The following VPS13C variants were observed in gnomAD, a reference collection of about 807,000 sequenced individuals.
VPS13C encodes intermembrane lipid transfer protein VPS13C.
A neutral mutation model predicts 456.8 loss-of-function variants in VPS13C; 358 were observed. The observed-to-expected ratio is 0.78, with a 90% CI of 0.72 to 0.86. The LOEUF is 0.86. Ranked by LOEUF, VPS13C falls within the 40% of genes least tolerant of loss-of-function variation. The pLI is 0.00. For missense variants in VPS13C, 4,818 were observed against 4,385.4 expected (o/e 1.10, Z -2.79); for synonymous variants, 1,578 against 1,486.7 (o/e 1.06, Z -1.41).
chr15:61,959,393 G>A (rs2045117070), intron 36 of VPS13C, 55 bp downstream of exon 36: 1 of 1,460,196 alleles, frequency 6.8e-7, no homozygotes, highest in Non-Finnish European at 9.2e-7. Flanking sequence ...TCTGCTAAAA[G>A]TCTTTGGAGT....
At chr15:61,877,163 T>C (rs1432538420) in intron 74 of VPS13C, 109 bp from the exon 75 acceptor site, 4 of 710,822 alleles carry the variant, frequency 5.6e-6, no homozygotes, top group Admixed American at 3.1e-5. Flanking sequence ...TCTTTCACAA[T>C]TGACTTCGTA....
chr15:62,010,391 C>A, intron 13 of VPS13C, 81 bp downstream of exon 13: 1 of 1,353,494 alleles, frequency 7.4e-7, no homozygotes, highest in South Asian at 2.3e-5. Context: ...AACCACCAAC[C>A]ACTAGAGAAG....
intron 13 of VPS13C, among the ~76,000 whole-genome samples, chr15:62,009,240 A>G (rs377190132): frequency 3.3e-5 from 5 of 152,322 alleles, no homozygotes; most frequent in South Asian, 4.1e-4. Context: ...GCATAACCAA[A>G]GCAACATAAA....
rs774965604 is a variant in VPS13C, at chr15:62,023,456, A to G, written c.579T>C (p.Asn193=). 2.5e-6 allele frequency: 4 copies of G among 1,580,556 alleles called. No individual in the cohort carries two copies. Among genetic ancestry groups the G allele is most frequent in the Non-Finnish European group, 3.4e-6 (4 of 1,166,094 alleles). ...GAATATCTGTGATTTTTACTTGTAC[A>G]TTTTTTATTACTTGAGTTGCCAATT... ...VEKLATQVIK[N]VQVKITDIHI... The change falls in exon 8 of 85, where the codon AAT becomes AAC. Residue 193 remains asparagine, a synonymous_variant. Coordinates refer to ENST00000644861, the MANE Select transcript of VPS13C (RefSeq NM_020821.3).
intron 53 of VPS13C, among the ~76,000 whole-genome samples, 163 bp from the exon 54 acceptor site, chr15:61,922,925 A>G (rs1435013970): frequency 1.3e-5 from 2 of 152,180 alleles, no homozygotes; most frequent in Non-Finnish European, 2.9e-5. Context: ...ATAAATTCGT[A>G]ACCAAGAAAA....
chr15:61,921,070 G>A (rs1483750219), intron 55 of VPS13C, among the ~76,000 whole-genome samples: 1 of 151,988 alleles, frequency 6.6e-6, no homozygotes, highest in East Asian at 1.9e-4. Context: ...CTTCAAATAA[G>A]TAATATTAAT....
chr15:61,869,710 A>T, intron 79 of VPS13C, 87 bp from the exon 80 acceptor site: 1 of 1,575,388 alleles, frequency 6.3e-7, no homozygotes, highest in Middle Eastern at 1.7e-4. Context: ...CAGATACTGA[A>T]CTGTTTTACC....
intron 53 of VPS13C, among the ~76,000 whole-genome samples, chr15:61,924,367 G>T (rs2043771555): frequency 6.6e-6 from 1 of 152,150 alleles, no homozygotes; most frequent in Admixed American, 6.5e-5. Context: ...ACTGCATCTT[G>T]GCCATGCCTC....
At position 61,890,261 on chromosome 15, in the gene VPS13C, T is replaced by G; in HGVS notation, c.9245A>C (p.Gln3082Pro). Residue 3082 changes from glutamine to proline, a missense_variant, in exon 67 of 85, where the codon CAG becomes CCG. Gln to Pro is a moderately conservative substitution (Grantham distance 76). Coordinates refer to ENST00000644861, the MANE Select transcript of VPS13C (RefSeq NM_020821.3). Reference protein sequence around the residue: ...SKALQAEEMEQADYEITLSLH... With the variant: ...SKALQAEEMEPADYEITLSLH... Reference sequence around the variant, plus strand: ...AGACAAGGTTATTTCATAATCAGCCTGTTCCATTTCTTCTGCCTGCAGTGC... The same window carrying G: ...AGACAAGGTTATTTCATAATCAGCCGGTTCCATTTCTTCTGCCTGCAGTGC... 2 of 1,614,114 alleles carry G rather than the reference T, an allele frequency of 1.2e-6. No homozygotes were observed. The highest frequency in any genetic ancestry group is 1.7e-6 in the Non-Finnish European group (2 of 1,180,018).
intron 42 of VPS13C, among the ~76,000 whole-genome samples, chr15:61,948,435 A>G (rs1567036363): frequency 2.0e-5 from 3 of 152,086 alleles, no homozygotes; most frequent in Non-Finnish European, 2.9e-5. Context: ...TAACCCCAGC[A>G]CTTTGGGAGA....
intron 79 of VPS13C, among the ~76,000 whole-genome samples, chr15:61,871,765 C>T (rs1180311325): frequency 1.3e-5 from 2 of 152,250 alleles, no homozygotes; most frequent in East Asian, 3.9e-4. Flanking sequence ...TCTAGTTTAT[C>T]TCTGGCCCTG....
chr15:61,927,746 T>C (rs545834594), intron 51 of VPS13C, among the ~76,000 whole-genome samples: 41 of 152,214 alleles, frequency 2.7e-4, no homozygotes, highest in African/African-American at 9.9e-4. Context: ...CATGCACACG[T>C]ATGTTTATTG....
rs191795669 is a variant in VPS13C, at chr15:61,963,899, C to T, written c.3267G>A (p.Lys1089=). The change falls in exon 32 of 85, where the codon AAG becomes AAA. Residue 1089 remains lysine, a synonymous_variant. Coordinates refer to ENST00000644861, the MANE Select transcript of VPS13C (RefSeq NM_020821.3). The stretch of plus-strand genomic sequence containing the variant: ...AAACAATGACACAGAAAGCATTCAA[C>T]TTGGCAAATAGCCTGAAATCAATAA... ...SDIIDFRLFA[K]LNAFCVIVCN... 6.2e-7 allele frequency: 1 copy of T among 1,612,586 alleles called. No individual in the cohort carries two copies. Among genetic ancestry groups the T allele is most frequent in the East Asian group, 2.2e-5 (1 of 44,796 alleles).
chr15:61,855,604 T>C (rs1893859634), intron 83 of VPS13C, among the ~76,000 whole-genome samples: 1 of 152,150 alleles, frequency 6.6e-6, no homozygotes, highest in African/African-American at 2.4e-5. Flanking sequence ...AATGTTCTTC[T>C]AGCTACTAAA....
intron 3 of VPS13C, among the ~76,000 whole-genome samples, chr15:62,037,318 T>TA (rs2048070587): frequency 1.3e-5 from 1 of 77,546 alleles, no homozygotes; most frequent in Non-Finnish European, 2.3e-5. Flanking sequence ...ATAAATATAT[T>TA]ATATATTATA....
At chr15:61,951,059 T>A in intron 39 of VPS13C, 35 bp from the exon 40 acceptor site, 1 of 1,405,262 alleles carries the variant, frequency 7.1e-7, no homozygotes, top group Non-Finnish European at 9.8e-7. Flanking sequence ...GATCCATCAA[T>A]TAAACATTTC....
intron 5 of VPS13C, 102 bp downstream of exon 5, chr15:62,033,339 G>T: frequency 1.6e-6 from 1 of 644,264 alleles, no homozygotes; most frequent in Non-Finnish European, 2.3e-6. Context: ...TATGTCTTTA[G>T]AACTTCAACT....
rs2045476654 is a variant in VPS13C, at chr15:61,969,353, A to C, written c.2857T>G (p.Leu953Val). The C allele has an allele frequency of 6.2e-7, 1 of 1,605,272 alleles. No individual in the cohort carries two copies. Among genetic ancestry groups the C allele is most frequent in the Non-Finnish European group, 8.5e-7 (1 of 1,176,130 alleles). Residue 953 changes from leucine (L) to valine (V), a missense_variant, in exon 28 of 85, where the codon TTA becomes GTA. Transcript: ENST00000644861. ...GTEATMRTFD[L>V]TVVSYLKKIS... ...TTCTTTAAATAAGATACCACAGTTA[A>C]GTCAAATGTTCTCATTGTGGCCTCT... is the stretch of plus-strand genomic sequence containing the variant.
In VPS13C at chr15:61,867,546, T is replaced by C. The variant is rs1023953525; in HGVS notation, c.10863+1113A>G. The stretch of plus-strand genomic sequence containing the variant: ...TCAAGACTCACAAACATAAACATAT[T>C]AATTGGACATAATAATTGTCCTGTT... On this transcript the variant is annotated intron_variant, in intron 81 of 84. Coordinates refer to ENST00000644861, the MANE Select transcript of VPS13C (RefSeq NM_020821.3). This position sits in a 1 kb window ranked among gnomAD's most constrained non-coding sequence, Gnocchi z 5.0. The C allele has an allele frequency of 9.9e-7, 1 of 1,006,506 alleles. No homozygotes were observed. The highest frequency in any genetic ancestry group is 1.2e-6 in the Non-Finnish European group (1 of 844,698). The allele number at this position is 1,006,506 out of a possible 1,614,324, so 62.3% of individuals were successfully genotyped here.
Sources: allele counts gnomAD v4.1 joint callset (sites outside exome capture counted in the v4.1 genomes callset), GRCh38; gene constraint gnomAD v4.1.1; non-coding constraint Gnocchi (gnomAD v3.1); transcripts MANE v1.5; gene names NCBI Gene and HGNC (gene_info 2026-07-23, HGNC 2026-07-21).